The following CFAP299 variants were observed in gnomAD, a reference collection of about 807,000 sequenced individuals.
CFAP299 encodes the protein cilia- and flagella-associated protein 299.
A neutral mutation model predicts 27.0 loss-of-function variants in CFAP299; 21 were observed. The observed-to-expected ratio is 0.78, with a 90% CI of 0.55 to 1.12. The LOEUF (loss-of-function observed/expected upper bound fraction) is 1.12, where lower values mean the gene tolerates loss of function less well. Among genes scored for constraint, CFAP299 ranks in the 50% most tolerant of loss-of-function variants. The pLI, the probability that CFAP299 is intolerant of heterozygous loss-of-function variation, is 0.00. For synonymous variants in CFAP299, 104 were observed against 98.1 expected, an observed-to-expected ratio of 1.06 and a Z score of -0.36; for missense variants, 310 against 276.6, an observed-to-expected ratio of 1.12 and a Z score of -0.86.
intron 2 of CFAP299, among the ~76,000 whole-genome samples, chr4:80,552,517 C>G (rs1734574140): frequency 1.3e-5 from 2 of 152,030 alleles, no homozygotes; most frequent in South Asian, 4.1e-4. Flanking sequence ...ATTATCTAGA[C>G]TTTAAAGTCT....
rs181815554 is a variant in CFAP299 at position 80,694,431 on chromosome 4, G to T, written c.333+111248G>T. Among the ~76,000 whole-genome samples, 8 of 152,286 alleles carry T rather than the reference G, an allele frequency of 5.3e-5. No homozygotes were observed. In the East Asian group the frequency reaches 1.5e-3, roughly 29 times the overall value. ...AGGGTAATGTTTTCTCAGTAAGAAAGAACAATGCATATCTATATTATGCTC... is the reference window on the plus strand; with the variant it reads ...AGGGTAATGTTTTCTCAGTAAGAAATAACAATGCATATCTATATTATGCTC... On this transcript the variant is annotated intron_variant, in intron 3 of 5. Transcript: ENST00000358105.
At chr4:80,746,386 A>G (rs1016435423) in intron 3 of CFAP299, among the ~76,000 whole-genome samples, 5 of 152,088 alleles carry the variant, frequency 3.3e-5, no homozygotes, top group Admixed American at 3.3e-4. Flanking sequence ...AAAATCTGTT[A>G]TTAAAACTCA....
intron 2 of CFAP299, among the ~76,000 whole-genome samples, chr4:80,496,692 G>A (rs1340810552): frequency 6.6e-6 from 1 of 152,022 alleles, no homozygotes; most frequent in African/African-American, 2.4e-5. Context: ...CCAATTTTCT[G>A]CATTAGGCCA....
chr4:80,490,962 C>A (rs552528778), intron 2 of CFAP299, among the ~76,000 whole-genome samples: 32 of 146,234 alleles, frequency 2.2e-4, no homozygotes, highest in African/African-American at 7.4e-4. Flanking sequence ...ACTTACCTCT[C>A]CATTTTAGGA....
At chr4:80,609,521 C>T (rs1737855993) in intron 3 of CFAP299, among the ~76,000 whole-genome samples, 1 of 151,874 alleles carries the variant, frequency 6.6e-6, no homozygotes, top group African/African-American at 2.4e-5. Flanking sequence ...GGATTTTTAT[C>T]AACAGAATAT....
At chr4:80,872,455 T>A (rs1000229970) in intron 4 of CFAP299, 3 of 152,152 alleles carry the variant, frequency 2.0e-5, no homozygotes, top group African/African-American at 7.2e-5. Context: ...TTGGTTACCT[T>A]GAAATAAATT....
intron 4 of CFAP299, among the ~76,000 whole-genome samples, chr4:80,924,853 T>G (rs1736229934): frequency 6.6e-6 from 1 of 151,716 alleles, no homozygotes; most frequent in African/African-American, 2.4e-5. Flanking sequence ...TAGCAATGCT[T>G]ATGCTTATTA....
chr4:80,829,434 G>A (rs1730176216), intron 3 of CFAP299, among the ~76,000 whole-genome samples: 1 of 151,962 alleles, frequency 6.6e-6, no homozygotes, highest in African/African-American at 2.4e-5. Flanking sequence ...ATAAATATTG[G>A]TGAGGATGTG....
chr4:80,842,293 G>A (rs1490315579), intron 3 of CFAP299, among the ~76,000 whole-genome samples: 2 of 152,130 alleles, frequency 1.3e-5, no homozygotes, highest in African/African-American at 4.8e-5. Context: ...GGTCATGGTT[G>A]AGACCTCTTT....
At chr4:80,739,012 C>A (rs1204946652) in intron 3 of CFAP299, among the ~76,000 whole-genome samples, 1 of 151,982 alleles carries the variant, frequency 6.6e-6, no homozygotes, top group Non-Finnish European at 1.5e-5. Context: ...CATAAACAAA[C>A]AAACAAACAT....
chr4:80,738,735 T>C (rs1353294884), intron 3 of CFAP299, among the ~76,000 whole-genome samples: 1 of 151,810 alleles, frequency 6.6e-6, no homozygotes, highest in Non-Finnish European at 1.5e-5. Flanking sequence ...GTAAATTCAA[T>C]GTTATTTTTA....
At chr4:80,821,277 T>C (rs939715896) in intron 3 of CFAP299, among the ~76,000 whole-genome samples, 1 of 152,200 alleles carries the variant, frequency 6.6e-6, no homozygotes, top group Non-Finnish European at 1.5e-5. Context: ...GAAAGCTTCA[T>C]TCTTGTTCTT....
intron 1 of CFAP299, 24 bp downstream of exon 1, chr4:80,335,903 AGCC>A (rs753034344): frequency 4.9e-6 from 7 of 1,440,078 alleles, no homozygotes; most frequent in South Asian, 1.1e-5. Flanking sequence ...GCGGCAGAGT[AGCC>A]GCCGCCGCGC....
chr4:80,742,546 T>C (rs909718304), intron 3 of CFAP299, among the ~76,000 whole-genome samples: 1 of 152,054 alleles, frequency 6.6e-6, no homozygotes, highest in Non-Finnish European at 1.5e-5. Flanking sequence ...GTTGGAGAGA[T>C]TGATTATAGC....
At chr4:80,518,659 G>GA (rs1275383536) in intron 2 of CFAP299, among the ~76,000 whole-genome samples, 8 of 152,104 alleles carry the variant, frequency 5.3e-5, no homozygotes, top group South Asian at 2.1e-4. Flanking sequence ...ATTTAAGGGA[G>GA]AAAAAATGAC....
In CFAP299 at chr4:80,360,007, T is replaced by C. The variant is rs1723463689; in HGVS notation, c.112-2747T>C. On this transcript the variant is annotated intron_variant, in intron 1 of 5. Transcript: ENST00000358105. The stretch of plus-strand genomic sequence containing the variant: ...ACCTTGGAATGGGTTTTATTTTTCT[T>C]TTATCCTATTTGATGACTTTGAGGG... Among the ~76,000 whole-genome samples, 4 of 152,210 alleles carry C rather than the reference T, an allele frequency of 2.6e-5. No individual in the cohort carries two copies. The South Asian group carries it at 8.3e-4, about 31-fold the overall frequency.
chr4:80,759,533 G>A (rs1003072398), intron 3 of CFAP299, among the ~76,000 whole-genome samples: 2 of 152,064 alleles, frequency 1.3e-5, no homozygotes, highest in Non-Finnish European at 2.9e-5. Flanking sequence ...TTTTATTGTT[G>A]TATTTTTCTC....
At position 80,754,060 on chromosome 4, in the gene CFAP299, G is replaced by A. The variant is rs139627538; in HGVS notation, c.334-115933G>A. Among the ~76,000 whole-genome samples, 770 of 152,048 alleles carry A rather than the reference G, an allele frequency of 5.1e-3. 4 individuals carry two copies. The highest frequency in any genetic ancestry group is 0.02 in the Middle Eastern group (6 of 294). ...TTTTCCTTGGTTTTTTGTATGCCTC[G>A]CAATCTTGTGGTTTTTGTTGTTGTG... On this transcript the variant is annotated intron_variant, in intron 3 of 5. Transcript: ENST00000358105.
intron 3 of CFAP299, among the ~76,000 whole-genome samples, chr4:80,675,094 A>G (rs1172666236): frequency 6.6e-6 from 1 of 152,202 alleles, no homozygotes; most frequent in African/African-American, 2.4e-5. Context: ...CCTTTGGACC[A>G]GAAGAGGTGC....
Sources: allele counts gnomAD v4.1 joint callset (sites outside exome capture counted in the v4.1 genomes callset), GRCh38; gene constraint gnomAD v4.1.1; transcripts MANE v1.5; gene names NCBI Gene and HGNC (gene_info 2026-07-23, HGNC 2026-07-21).